ZNF45: variants seen among roughly 807,000 people sequenced by gnomAD.
ZNF45 encodes zinc finger protein 45.
ZNF45 carries 4 observed loss-of-function variants against 12.0 expected under a neutral mutation model. The ratio of observed to expected loss-of-function variants is 0.33; its 90% confidence interval spans 0.16 to 0.76. The LOEUF is 0.76. Ranked by LOEUF, ZNF45 falls within the 30% of genes least tolerant of loss-of-function variation. The pLI, the probability that ZNF45 is intolerant of heterozygous loss-of-function variation, is 0.60. For missense variants in ZNF45, 700 were observed against 813.0 expected (o/e 0.86, Z 1.69); for synonymous variants, 272 against 279.6 (o/e 0.97, Z 0.27).
intron 3 of ZNF45, chr19:43,926,414 G>A (rs1349064731): frequency 6.6e-6 from 1 of 152,232 alleles, no homozygotes; most frequent in Non-Finnish European, 1.5e-5. Context: ...GACGACATGA[G>A]TCACTGTTAC....
chr19:43,930,529 G>A (rs918730409), intron 3 of ZNF45, among the ~76,000 whole-genome samples: 9 of 152,134 alleles, frequency 5.9e-5, no homozygotes, highest in East Asian at 1.9e-4. Flanking sequence ...AAGAGTTGAC[G>A]GAACTGTCCA....
At chr19:43,929,949 G>C (rs1973988953) in intron 3 of ZNF45, 1 of 152,222 alleles carries the variant, frequency 6.6e-6, no homozygotes, top group African/African-American at 2.4e-5. Flanking sequence ...TAGGGTTTGT[G>C]TGTTCAGCCA....
intron 4 of ZNF45, 99 bp from the exon 5 acceptor site, chr19:43,924,660 T>G (rs989555087): frequency 2.0e-5 from 3 of 152,234 alleles, no homozygotes; most frequent in African/African-American, 7.2e-5. Flanking sequence ...AAATGGAGAT[T>G]GGACTCTGAA....
chr19:43,917,078 C>T (rs1287153608), intron 9 of ZNF45, among the ~76,000 whole-genome samples: 1 of 152,024 alleles, frequency 6.6e-6, no homozygotes, highest in Non-Finnish European at 1.5e-5. Flanking sequence ...TAGATCACAC[C>T]ATTGTTTTTC....
chr19:43,927,529 C>T lies in ZNF45; in HGVS notation c.-399-2071G>A, dbSNP rs540528895. Among the ~76,000 whole-genome samples the T allele has an allele frequency of 5.9e-5, 9 of 152,072 alleles. No individual in the cohort carries two copies. In the East Asian group the frequency reaches 9.7e-4, roughly 16 times the overall value. ...ACAAAGATGATATTATAATGGGCTA[C>T]GAGGGCATAGCAAACCCCCAATATA... On this transcript the variant is annotated intron_variant, in intron 3 of 9. Coordinates refer to ENST00000269973, the MANE Select transcript of ZNF45 (RefSeq NM_003425.4).
At position 43,921,566 on chromosome 19, in the gene ZNF45, A is replaced by C. The variant is rs551658894; in HGVS notation, c.15+605T>G. On this transcript the variant is annotated intron_variant, in intron 7 of 9. Transcript: ENST00000269973. The stretch of plus-strand genomic sequence containing the variant: ...ACATAGGAACTACCCAAAGTACCAC[A>C]TATCAAAAGTACTTTTTCAATATAG... Among the ~76,000 whole-genome samples the C allele has an allele frequency of 4.6e-5, 7 of 152,322 alleles. No individual in the cohort carries two copies. In the East Asian group the frequency reaches 1.3e-3, roughly 29 times the overall value.
intron 2 of ZNF45, among the ~76,000 whole-genome samples, chr19:43,934,025 G>T (rs566130971): frequency 4.3e-4 from 65 of 152,208 alleles, no homozygotes; most frequent in Non-Finnish European, 7.6e-4. Context: ...TATTTATATG[G>T]ATCATTTATC....
chr19:43,927,412 T>C (rs985838349), intron 3 of ZNF45, among the ~76,000 whole-genome samples: 3 of 152,174 alleles, frequency 2.0e-5, no homozygotes, highest in African/African-American at 7.2e-5. Context: ...CCTGAACCAT[T>C]CATTCAACAT....
At position 43,913,869 on chromosome 19, in the gene ZNF45, T is replaced by C; in HGVS notation, c.1567A>G (p.Thr523Ala). 3 of 1,613,778 alleles carry C rather than the reference T, an allele frequency of 1.9e-6. No individual in the cohort carries two copies. The highest frequency in any genetic ancestry group is 2.5e-6 in the Non-Finnish European group (3 of 1,179,850). The stretch of plus-strand genomic sequence containing the variant: ...GCACACTGATATGGTTTCTCTCCAG[T>C]GTGAACTCTCTGATGCACCTGAAGG... ...SSLQVHQRVH[T>A]GEKPYQCAEC... Residue 523 changes from threonine to alanine, a missense_variant, in exon 10 of 10, where the codon ACT becomes GCT. Coordinates refer to ENST00000269973, the MANE Select transcript of ZNF45 (RefSeq NM_003425.4).
chr19:43,915,966 T>C lies in ZNF45; in HGVS notation c.236-766A>G, dbSNP rs527484836. Reference sequence around the variant, plus strand: ...AGGTTTATGGTAATAACACACATTATTCTAAAACCTGATAGCAATTAAAGT... The same window carrying C: ...AGGTTTATGGTAATAACACACATTACTCTAAAACCTGATAGCAATTAAAGT... On this transcript the variant is annotated intron_variant, in intron 9 of 9. Transcript: ENST00000269973. Among the ~76,000 whole-genome samples, 7 of 152,270 alleles carry C rather than the reference T, an allele frequency of 4.6e-5. No homozygotes were observed. In the East Asian group the frequency reaches 7.7e-4, roughly 17 times the overall value.
At chr19:43,922,331 G>C (rs1973262050) in intron 6 of ZNF45, 114 bp from the exon 7 acceptor site, 4 of 645,776 alleles carry the variant, frequency 6.2e-6, no homozygotes, top group Non-Finnish European at 1.0e-5. Flanking sequence ...ACGTGAAATA[G>C]CAACAGTGTT....
intron 7 of ZNF45, among the ~76,000 whole-genome samples, chr19:43,921,530 C>T (rs398388): frequency 0.49 from 73,899 of 152,048 alleles, 18,877 homozygotes; most frequent in East Asian, 0.81. Context: ...GATGTCATAT[C>T]TGAATCATTG....
At chr19:43,922,272 G>T in intron 6 of ZNF45, 55 bp from the exon 7 acceptor site, 5 of 1,285,620 alleles carry the variant, frequency 3.9e-6, no homozygotes, top group South Asian at 1.5e-5. Context: ...TGAGAGTTTG[G>T]CCAAAAAAAA....
intron 6 of ZNF45, among the ~76,000 whole-genome samples, chr19:43,922,820 G>GTTTTTTTTTTTTTTTTTTTTTTTTTTTT (rs368057244): frequency 3.5e-5 from 3 of 86,506 alleles, no homozygotes; most frequent in African/African-American, 4.6e-5. Flanking sequence ...TAAATTCTTT[G>GTTTTTTTTTTTTTTTTTTTTTTTTTTTT]TTTTTTTTTT....
At chr19:43,922,283 A>C in intron 6 of ZNF45, 66 bp from the exon 7 acceptor site, 6 of 1,169,176 alleles carry the variant, frequency 5.1e-6, no homozygotes, top group South Asian at 1.6e-5. Context: ...CCAAAAAAAA[A>C]ACCATAGCTG....
At chr19:43,928,500 G>A (rs529124052) in intron 3 of ZNF45, among the ~76,000 whole-genome samples, 24 of 152,216 alleles carry the variant, frequency 1.6e-4, no homozygotes, top group African/African-American at 2.4e-5. Context: ...AAACCTGCAC[G>A]TGTACTTCTG....
rs776039987 is a variant in ZNF45 at position 43,914,636 on chromosome 19, A to C, written c.800T>G (p.Leu267Arg). ...VGKSSHCQAP[L>R]IVHTGEKPYK... ...GGGTTTCTCTCCCGTATGAACTATCAGAGGAGCTTGACAATGTGAGCTTTT... is the reference window on the plus strand; with the variant it reads ...GGGTTTCTCTCCCGTATGAACTATCCGAGGAGCTTGACAATGTGAGCTTTT... Residue 267 changes from leucine to arginine, a missense_variant, in exon 10 of 10, where the codon CTG (leucine) becomes CGG (arginine). Physicochemically the swap from Leu to Arg is moderately radical, Grantham distance 102 (BLOSUM62 -2). Transcript: ENST00000269973. 8.7e-6 allele frequency: 14 copies of C among 1,613,604 alleles called. No homozygotes were observed. Among genetic ancestry groups the C allele is most frequent in the South Asian group, 2.2e-5 (2 of 91,044 alleles).
At chr19:43,918,125 T>C (rs1972839444) in intron 9 of ZNF45, among the ~76,000 whole-genome samples, 1 of 152,170 alleles carries the variant, frequency 6.6e-6, no homozygotes, top group South Asian at 2.1e-4. Context: ...CAAAGAAAAT[T>C]TTTAAAGGGA....
chr19:43,913,188 G>T lies in ZNF45; in HGVS notation c.*199C>A. On this transcript the variant is annotated 3_prime_UTR_variant, in exon 10 of 10. Coordinates refer to ENST00000269973, the MANE Select transcript of ZNF45 (RefSeq NM_003425.4). ...ACTCCAGATCAGACTCATCCTTCCTGATCCTCTTGTCTGCATGTATCAGCT... is the reference window on the plus strand; with the variant it reads ...ACTCCAGATCAGACTCATCCTTCCTTATCCTCTTGTCTGCATGTATCAGCT... The T allele has an allele frequency of 2.0e-6, 1 of 508,616 alleles. No individual in the cohort carries two copies. Among genetic ancestry groups the T allele is most frequent in the South Asian group, 4.5e-5 (1 of 22,396 alleles). The allele number at this position is 508,616 out of a possible 1,614,324, so 31.5% of individuals were successfully genotyped here.
Sources: allele counts gnomAD v4.1 joint callset (sites outside exome capture counted in the v4.1 genomes callset), GRCh38; gene constraint gnomAD v4.1.1; transcripts MANE v1.5; gene names NCBI Gene and HGNC (gene_info 2026-07-23, HGNC 2026-07-21).